Variants in NCAM2 observed in about 807,000 individuals in gnomAD.
The protein encoded by NCAM2 is N-CAM-2.
Under a neutral mutation model 98.1 loss-of-function variants are expected in NCAM2, and 30 were observed. That is an observed-to-expected ratio of 0.31 (90% CI 0.23 to 0.41). The LOEUF is 0.41. Among genes scored for constraint, NCAM2 ranks in the 10% least tolerant of loss-of-function variants. NCAM2 has a pLI of 1.00. For missense variants in NCAM2, 867 were observed against 1,005.8 expected (o/e 0.86, Z 1.87); for synonymous variants, 368 against 342.4 (o/e 1.07, Z -0.83).
At chr21:21,462,358 C>CT (rs1489283908) in intron 12 of NCAM2, among the ~76,000 whole-genome samples, 1 of 152,144 alleles carries the variant, frequency 6.6e-6, no homozygotes, top group East Asian at 1.9e-4. Context: ...AATAATCTTA[C>CT]TTTAGAATTT....
At chr21:21,341,248 T>C (rs1288339200) in intron 8 of NCAM2, among the ~76,000 whole-genome samples, 2 of 152,098 alleles carry the variant, frequency 1.3e-5, no homozygotes, top group Non-Finnish European at 2.9e-5. Context: ...GGGATTGTAC[T>C]TTCCATAAGA....
chr21:21,028,153 G>A (rs1221990270), intron 1 of NCAM2, among the ~76,000 whole-genome samples: 5 of 152,116 alleles, frequency 3.3e-5, no homozygotes, highest in Admixed American at 2.0e-4. Context: ...ATGAGCCACC[G>A]TGCCCAGCCT....
chr21:21,077,080 T>A (rs936694452), intron 1 of NCAM2, among the ~76,000 whole-genome samples: 1 of 152,192 alleles, frequency 6.6e-6, no homozygotes, highest in African/African-American at 2.4e-5. Flanking sequence ...TCATCTGTGA[T>A]CTTGAGCAAG....
At chr21:21,360,762 A>G (rs1440561923) in intron 8 of NCAM2, among the ~76,000 whole-genome samples, 2 of 151,894 alleles carry the variant, frequency 1.3e-5, no homozygotes, top group Non-Finnish European at 2.9e-5. Flanking sequence ...CTCCACATGC[A>G]GTAGCACAGC....
At chr21:21,049,526 T>C (rs960889569) in intron 1 of NCAM2, among the ~76,000 whole-genome samples, 5 of 148,200 alleles carry the variant, frequency 3.4e-5, no homozygotes, top group Non-Finnish European at 7.5e-5. Flanking sequence ...ACTGACTACT[T>C]TTTTTTTTTA....
chr21:21,228,569 CTG>C lies in NCAM2; in HGVS notation c.56-52008_56-52007del, dbSNP rs1488990727. ...TCATGATGAAAAAAATCTAAAAACA[CTG>C]AGAGAAGTATTCAAATATTAAATAT... On this transcript the variant is annotated intron_variant, in intron 1 of 17. Transcript: ENST00000400546. 2.6e-5 allele frequency among the ~76,000 whole-genome samples: 4 copies of C among 151,284 alleles called. No individual in the cohort carries two copies. The East Asian group carries it at 5.8e-4, about 22-fold the overall frequency.
At chr21:21,057,155 A>G (rs2055905423) in intron 1 of NCAM2, among the ~76,000 whole-genome samples, 3 of 152,104 alleles carry the variant, frequency 2.0e-5, no homozygotes, top group African/African-American at 7.2e-5. Flanking sequence ...TTCTAAGAGG[A>G]GTTAAAATGC....
At chr21:21,258,651 A>G (rs772692747) in intron 1 of NCAM2, among the ~76,000 whole-genome samples, 34 of 152,170 alleles carry the variant, frequency 2.2e-4, no homozygotes, top group Non-Finnish European at 4.0e-4. Context: ...CTTGCAGCTG[A>G]GCCTGAACTC....
chr21:21,053,085 T>C (rs1601216359), intron 1 of NCAM2, among the ~76,000 whole-genome samples: 1 of 152,124 alleles, frequency 6.6e-6, no homozygotes, highest in East Asian at 1.9e-4. Context: ...AACAATTAAT[T>C]GCTGGTATTT....
chr21:21,432,058 G>T lies in NCAM2; in HGVS notation c.1481-50G>T, dbSNP rs1337728413. ...CATAACACCATAAGCCTTAATAATG[G>T]CCATTCCCATTCCCTTGGTTATGTT... On this transcript the variant is annotated intron_variant, in intron 11 of 17. Transcript: ENST00000400546. 3 of 1,550,812 alleles carry T rather than the reference G, an allele frequency of 1.9e-6. No individual in the cohort carries two copies. The African/African-American group carries it at 4.1e-5, about 21-fold the overall frequency.
intron 12 of NCAM2, among the ~76,000 whole-genome samples, chr21:21,448,463 A>G (rs1980531706): frequency 6.6e-6 from 1 of 151,998 alleles, no homozygotes; most frequent in African/African-American, 2.4e-5. Context: ...TGCCACATAT[A>G]TACCTATGTA....
intron 1 of NCAM2, among the ~76,000 whole-genome samples, chr21:21,061,833 AT>A (rs1476638315): frequency 5.3e-5 from 8 of 152,192 alleles, no homozygotes; most frequent in Non-Finnish European, 1.2e-4. Flanking sequence ...GGTTTTAAAA[AT>A]TATGTATTCA....
chr21:21,408,358 C>G (rs986491317), intron 9 of NCAM2, among the ~76,000 whole-genome samples: 1 of 152,116 alleles, frequency 6.6e-6, no homozygotes, highest in Non-Finnish European at 1.5e-5. Context: ...GATGTACCAC[C>G]ATTTATGGGA....
chr21:21,223,656 G>A (rs2070261397), intron 1 of NCAM2: 1 of 152,140 alleles, frequency 6.6e-6, no homozygotes, highest in African/African-American at 2.4e-5. Flanking sequence ...ACCATGCAAT[G>A]TTATGTGATA....
intron 1 of NCAM2, among the ~76,000 whole-genome samples, chr21:21,051,217 C>T (rs2065101930): frequency 6.6e-6 from 1 of 151,530 alleles, no homozygotes; most frequent in African/African-American, 2.4e-5. Context: ...CTGACCATCT[C>T]AGAAAAAATT....
At chr21:21,445,355 C>A (rs988284252) in intron 12 of NCAM2, among the ~76,000 whole-genome samples, 1 of 152,022 alleles carries the variant, frequency 6.6e-6, no homozygotes, top group African/African-American at 2.4e-5. Context: ...AGTTTCACTT[C>A]ATCCAGAGCT....
chr21:21,069,754 G>C (rs1323872963), intron 1 of NCAM2, among the ~76,000 whole-genome samples: 6 of 152,004 alleles, frequency 3.9e-5, no homozygotes, highest in African/African-American at 1.4e-4. Flanking sequence ...TAAAAAAGAA[G>C]GAAACCCAGA....
intron 1 of NCAM2, among the ~76,000 whole-genome samples, chr21:21,152,865 C>G (rs969623107): frequency 2.6e-5 from 4 of 151,950 alleles, no homozygotes; most frequent in Non-Finnish European, 4.4e-5. Flanking sequence ...TCTATGTAGC[C>G]TCCTGTTCTA....
chr21:21,303,040 C>G (rs1601916908), intron 5 of NCAM2, among the ~76,000 whole-genome samples: 1 of 151,968 alleles, frequency 6.6e-6, no homozygotes, highest in East Asian at 1.9e-4. Flanking sequence ...CAAGTAAGGG[C>G]TAATCCTTGA....
Sources: allele counts gnomAD v4.1 joint callset (sites outside exome capture counted in the v4.1 genomes callset), GRCh38; gene constraint gnomAD v4.1.1; transcripts MANE v1.5; gene names NCBI Gene and HGNC (gene_info 2026-07-23, HGNC 2026-07-21).